The following TEX15 variants were observed in gnomAD, a reference collection of about 807,000 sequenced individuals.
The protein encoded by TEX15 is testis-expressed protein 15.
Under a neutral mutation model 237.3 loss-of-function variants are expected in TEX15, and 171 were observed. The ratio of observed to expected loss-of-function variants is 0.72; its 90% confidence interval spans 0.64 to 0.82. TEX15 has a LOEUF of 0.82. Ranked by LOEUF, TEX15 falls within the 40% of genes least tolerant of loss-of-function variation. The pLI, the probability that TEX15 is intolerant of heterozygous loss-of-function variation, is 0.00. For missense variants in TEX15, 3,750 were observed against 3,646.5 expected (o/e 1.03, Z -0.73); for synonymous variants, 1,338 against 1,269.8 (o/e 1.05, Z -1.14).
chr8:30,905,770 G>C (rs973185947), intron 1 of TEX15, among the ~76,000 whole-genome samples: 1 of 150,192 alleles, frequency 6.7e-6, no homozygotes, highest in South Asian at 2.1e-4. Context: ...GCTGGGCATG[G>C]TGGCACACCT....
chr8:30,858,876 A>G, intron 6 of TEX15, 46 bp from the exon 7 acceptor site: 1 of 1,347,118 alleles, frequency 7.4e-7, no homozygotes, highest in Non-Finnish European at 9.8e-7. Flanking sequence ...TGGCAATCAG[A>G]GTTGAATAAG....
At chr8:30,880,963 C>T (rs1391396149) in intron 3 of TEX15, among the ~76,000 whole-genome samples, 1 of 151,862 alleles carries the variant, frequency 6.6e-6, no homozygotes, top group Non-Finnish European at 1.5e-5. Flanking sequence ...CCATGCAGAC[C>T]ATCATGTTCT....
At position 30,831,544 on chromosome 8, in the gene TEX15, T is replaced by C. The variant is rs1807180390; in HGVS notation, c.*1742A>G. 6.6e-6 allele frequency: 1 copy of C among 151,936 alleles called. No homozygotes were observed. Among genetic ancestry groups the C allele is most frequent in the African/African-American group, 2.4e-5 (1 of 41,432 alleles). The allele number at this position is 151,936 out of a possible 1,614,324, so 9.4% of individuals were successfully genotyped here. On this transcript the variant is annotated 3_prime_UTR_variant, in exon 11 of 11. Coordinates refer to ENST00000643185, the MANE Select transcript of TEX15 (RefSeq NM_001350162.2). The stretch of plus-strand genomic sequence containing the variant: ...TACTATTTAGAATCAAAAAACACAC[T>C]TGAAGCAAAAATATTCCATGTTTTA...
intron 3 of TEX15, among the ~76,000 whole-genome samples, chr8:30,883,340 G>A (rs368350765): frequency 2.0e-5 from 3 of 151,930 alleles, no homozygotes; most frequent in East Asian, 1.9e-4. Flanking sequence ...AGGAGATAAC[G>A]ATTCCTGGCT....
intron 3 of TEX15, among the ~76,000 whole-genome samples, chr8:30,885,616 G>A (rs756461675): frequency 2.0e-5 from 3 of 152,210 alleles, no homozygotes; most frequent in Non-Finnish European, 2.9e-5. Flanking sequence ...GTCTCTTAAC[G>A]TGTATTATGG....
At position 30,838,101 on chromosome 8, in the gene TEX15, T is replaced by C. The variant is rs371864925; in HGVS notation, c.8223-40A>G. ...ACATACATAAAAATGAATTTAAATA[T>C]ATAGGGTCATAAAATTTTAATGGAA... On this transcript the variant is annotated intron_variant, in intron 9 of 10. Coordinates refer to ENST00000643185, the MANE Select transcript of TEX15 (RefSeq NM_001350162.2). 106 of 1,479,678 alleles carry C rather than the reference T, an allele frequency of 7.2e-5. No individual in the cohort carries two copies. In the African/African-American group the frequency reaches 1.4e-3, roughly 19 times the overall value. 91.7% of individuals were successfully genotyped at this position (1,479,678 alleles called of 1,614,324 possible).
In TEX15 at chr8:30,847,724, C is replaced by A; in HGVS notation, c.2443G>T (p.Val815Leu). ...TCTCTCTGAATGTTCTCTAATGACA[C>A]TGGTTCATTTTCATTTTTCCTATGG... is the stretch of plus-strand genomic sequence containing the variant. ...CVHRKNENEPVSLENIQRDYK... is the reference protein window; with the variant it reads ...CVHRKNENEPLSLENIQRDYK... Residue 815 changes from valine (V) to leucine (L), a missense_variant, in exon 8 of 11, where the codon GTG (valine) becomes TTG (leucine). Physicochemically the swap from Val to Leu is conservative, Grantham distance 32 (BLOSUM62 1). Coordinates refer to ENST00000643185, the MANE Select transcript of TEX15 (RefSeq NM_001350162.2). 1 of 1,613,786 alleles carries A rather than the reference C, an allele frequency of 6.2e-7. No individual in the cohort carries two copies. Among genetic ancestry groups the A allele is most frequent in the Non-Finnish European group, 8.5e-7 (1 of 1,179,914 alleles).
At chr8:30,841,004 C>T (rs1246770982) in intron 8 of TEX15, among the ~76,000 whole-genome samples, 4 of 152,290 alleles carry the variant, frequency 2.6e-5, no homozygotes, top group East Asian at 3.9e-4. Context: ...CTGCAACCTC[C>T]GCCCCTGTGC....
At chr8:30,900,546 T>C (rs1027149564) in intron 1 of TEX15, among the ~76,000 whole-genome samples, 1 of 152,204 alleles carries the variant, frequency 6.6e-6, no homozygotes, top group Non-Finnish European at 1.5e-5. Context: ...GTTAGTACAT[T>C]AATAAGAATC....
intron 9 of TEX15, among the ~76,000 whole-genome samples, chr8:30,839,348 G>A (rs1211850087): frequency 1.3e-5 from 2 of 152,050 alleles, no homozygotes; most frequent in African/African-American, 4.8e-5. Context: ...AGAGCTCAAA[G>A]TATCGTATGG....
intron 2 of TEX15, among the ~76,000 whole-genome samples, chr8:30,889,938 T>TATATATATATATATAC (rs1808753611): frequency 7.8e-6 from 1 of 128,156 alleles, no homozygotes; most frequent in African/African-American, 3.6e-5. Context: ...TATATACATA[T>TATATATATATATATAC]ATATATATAT....
intron 5 of TEX15, among the ~76,000 whole-genome samples, chr8:30,863,572 C>A (rs2128771139): frequency 6.6e-6 from 1 of 152,232 alleles, no homozygotes; most frequent in African/African-American, 2.4e-5. Context: ...TTGTTGCAAG[C>A]CCCTCCTTGC....
intron 8 of TEX15, 39 bp downstream of exon 8, chr8:30,841,965 A>C: frequency 7.1e-7 from 1 of 1,412,378 alleles, no homozygotes. Flanking sequence ...TGTTTTCAAA[A>C]AGAATACTTA....
chr8:30,887,165 A>T lies in TEX15; in HGVS notation c.136+2T>A. ...AAAAATTCCCAACCACAGAAATATT[A>T]CCTTTCTCAGCTGTCCTCCTGATCT... is the stretch of plus-strand genomic sequence containing the variant. On this transcript the variant is annotated splice_donor_variant, in intron 3 of 10. Coordinates refer to ENST00000643185, the MANE Select transcript of TEX15 (RefSeq NM_001350162.2). LOFTEE classifies it high-confidence loss of function. 6.6e-7 allele frequency: 1 copy of T among 1,526,434 alleles called. No homozygotes were observed. Among genetic ancestry groups the T allele is most frequent in the African/African-American group, 1.4e-5 (1 of 72,600 alleles). 94.6% of individuals were successfully genotyped at this position (1,526,434 alleles called of 1,614,324 possible). A position where few individuals can be genotyped will look rare whatever the true frequency, so the allele number is the denominator to read the frequency against.
At chr8:30,904,672 T>C (rs962629957) in intron 1 of TEX15, among the ~76,000 whole-genome samples, 1 of 152,210 alleles carries the variant, frequency 6.6e-6, no homozygotes, top group African/African-American at 2.4e-5. Flanking sequence ...AGCTTCTCTT[T>C]CAATGTCAAT....
chr8:30,846,468 AC>A lies in TEX15; in HGVS notation c.3698del (p.Ser1233IlefsTer11). On this transcript the variant is annotated frameshift_variant, in exon 8 of 11. Coordinates refer to ENST00000643185, the MANE Select transcript of TEX15 (RefSeq NM_001350162.2). LOFTEE classifies it high-confidence loss of function. ...CAAAAGAAAGGGAGATTTCAGAGTT[AC>A]TCACTGGCCCTGATTCTTGCCTTAT... is the stretch of plus-strand genomic sequence containing the variant. ...DNIRQESGPV[S>X]NSEISLSFDL... The A allele has an allele frequency of 6.2e-7, 1 of 1,613,374 alleles. No individual in the cohort carries two copies. The highest frequency in any genetic ancestry group is 8.5e-7 in the Non-Finnish European group (1 of 1,179,718).
In TEX15 at chr8:30,837,491, G is replaced by T. The variant is rs991561870; in HGVS notation, c.8793C>A (p.Ser2931=). 6.8e-6 allele frequency: 11 copies of T among 1,613,428 alleles called. No homozygotes were observed. In the African/African-American group the frequency reaches 1.5e-4, roughly 22 times the overall value. Residue 2931 remains serine, a synonymous_variant, in exon 10 of 11, where the codon TCC becomes TCA. Coordinates refer to ENST00000643185, the MANE Select transcript of TEX15 (RefSeq NM_001350162.2). ...TGGGTTCTGGAGAAGTCATGCATGA[G>T]GAATTTTTAATAGATGAATTTACTA... is the stretch of plus-strand genomic sequence containing the variant. ...NDIVNSSIKN[S]SCMTSPEPIC... is the part of the protein sequence containing the mutation.
chr8:30,854,162 GAGAAT>G (rs996825317), intron 7 of TEX15, among the ~76,000 whole-genome samples: 3 of 148,034 alleles, frequency 2.0e-5, no homozygotes, highest in Non-Finnish European at 4.5e-5. Flanking sequence ...TAATGAAATA[GAGAAT>G]AGAATAGCAA....
At chr8:30,912,601 C>T (rs542934514) in intron 1 of TEX15, among the ~76,000 whole-genome samples, 15 of 152,340 alleles carry the variant, frequency 9.8e-5, no homozygotes, top group African/African-American at 3.6e-4. Flanking sequence ...AGCGCGGGAA[C>T]CCGCGCATCT....
Sources: gnomAD v4.1 joint callset for allele counts (sites outside exome capture counted in the v4.1 genomes callset) on GRCh38, gnomAD v4.1.1 for gene constraint, MANE v1.5 for transcripts, NCBI Gene and HGNC (gene_info 2026-07-23, HGNC 2026-07-21) for gene names.